Variants in TTC29 observed in about 807,000 individuals in gnomAD.
TTC29 encodes the protein tetratricopeptide repeat protein 29.
Under a neutral mutation model 58.1 loss-of-function variants are expected in TTC29, and 49 were observed. The ratio of observed to expected loss-of-function variants is 0.84; its 90% CI spans 0.67 to 1.07. The LOEUF is 1.07. Ranked by LOEUF, TTC29 falls within the 50% of genes least tolerant of loss-of-function variation. The pLI, the probability that TTC29 is intolerant of heterozygous loss-of-function variation, is 0.00. For synonymous variants in TTC29, 209 were observed against 196.8 expected, an observed-to-expected ratio of 1.06 and a Z score of -0.52; for missense variants, 582 against 555.6, an observed-to-expected ratio of 1.05 and a Z score of -0.48.
intron 3 of TTC29, among the ~76,000 whole-genome samples, chr4:146,938,916 T>C (rs1736099775): frequency 6.6e-6 from 1 of 152,222 alleles, no homozygotes; most frequent in Non-Finnish European, 1.5e-5. Context: ...AATTTCAAAA[T>C]AGCACAATCA....
chr4:146,833,762 G>A (rs1579787060), intron 9 of TTC29, 44 bp downstream of exon 9: 1 of 1,468,796 alleles, frequency 6.8e-7, no homozygotes, highest in Non-Finnish European at 9.5e-7. Context: ...TTTCACAGTT[G>A]AGTGAATTCA....
chr4:146,743,338 G>A (rs553932921), intron 11 of TTC29, among the ~76,000 whole-genome samples: 1 of 152,136 alleles, frequency 6.6e-6, no homozygotes, highest in Non-Finnish European at 1.5e-5. Context: ...TAAGTGCCTG[G>A]TTGTGCTCTA....
chr4:146,925,354 T>C (rs1412694194), intron 4 of TTC29, among the ~76,000 whole-genome samples: 1 of 152,106 alleles, frequency 6.6e-6, no homozygotes, highest in Non-Finnish European at 1.5e-5. Context: ...TCAGTTTTGG[T>C]TTAATGTTTT....
chr4:146,774,213 A>G lies in TTC29; in HGVS notation c.1330+29244T>C, dbSNP rs544876158. ...TCATTGATCTTTTGCATGGTTTTTC[A>G]TGTCTTAATTCCCCTCAGTTCAGCT... On this transcript the variant is annotated intron_variant, in intron 11 of 12. Coordinates refer to ENST00000325106, the MANE Select transcript of TTC29 (RefSeq NM_031956.4). Among the ~76,000 whole-genome samples the G allele has an allele frequency of 1.8e-4, 27 of 152,118 alleles. 1 individual carries two copies. In the South Asian group the frequency reaches 4.1e-3, roughly 23 times the overall value.
At chr4:146,883,939 T>A (rs1273142616) in intron 6 of TTC29, among the ~76,000 whole-genome samples, 1 of 152,144 alleles carries the variant, frequency 6.6e-6, no homozygotes, top group Admixed American at 6.6e-5. Flanking sequence ...TTTGCAGTCT[T>A]GTTTAAAGAT....
chr4:146,769,223 A>C (rs1747540772), intron 11 of TTC29, among the ~76,000 whole-genome samples: 1 of 151,994 alleles, frequency 6.6e-6, no homozygotes, highest in Non-Finnish European at 1.5e-5. Context: ...TTGAACACAT[A>C]AGACATTAAA....
intron 11 of TTC29, among the ~76,000 whole-genome samples, chr4:146,737,240 T>C (rs1214271498): frequency 6.6e-6 from 1 of 152,084 alleles, no homozygotes; most frequent in East Asian, 1.9e-4. Context: ...ATGTGGTGCA[T>C]GGCCCTATGG....
chr4:146,766,925 A>T (rs1302806288), intron 11 of TTC29, among the ~76,000 whole-genome samples: 2 of 151,886 alleles, frequency 1.3e-5, no homozygotes, highest in South Asian at 2.1e-4. Flanking sequence ...TGTTTAAGAT[A>T]AAAAAAAGAT....
intron 6 of TTC29, 29 bp downstream of exon 6, chr4:146,903,515 C>A (rs372975778): frequency 2.5e-6 from 4 of 1,575,282 alleles, no homozygotes; most frequent in Non-Finnish European, 3.4e-6. Flanking sequence ...CAAAACATAC[C>A]CAAGGCATCC....
chr4:146,728,809 ATATATGTG>A (rs1214620963), intron 11 of TTC29, among the ~76,000 whole-genome samples: 3 of 125,504 alleles, frequency 2.4e-5, no homozygotes, highest in African/African-American at 9.0e-5. Flanking sequence ...ATATACACAT[ATATATGTG>A]TATATATACA....
At chr4:146,855,568 AAG>A (rs1196385242) in intron 8 of TTC29, among the ~76,000 whole-genome samples, 1 of 152,184 alleles carries the variant, frequency 6.6e-6, no homozygotes, top group Non-Finnish European at 1.5e-5. Flanking sequence ...TACTGGGTAA[AAG>A]AGTTTTTTAC....
chr4:146,743,008 T>C (rs1745275366), intron 11 of TTC29, among the ~76,000 whole-genome samples: 1 of 152,088 alleles, frequency 6.6e-6, no homozygotes, highest in Non-Finnish European at 1.5e-5. Context: ...ATCAGCTAAC[T>C]TGTTGCCTGA....
At chr4:146,880,839 C>T (rs1411511347) in intron 6 of TTC29, among the ~76,000 whole-genome samples, 1 of 151,942 alleles carries the variant, frequency 6.6e-6, no homozygotes, top group Non-Finnish European at 1.5e-5. Context: ...TATAACATTC[C>T]TGTATTACTG....
At chr4:146,880,688 A>G (rs1201379274) in intron 6 of TTC29, among the ~76,000 whole-genome samples, 4 of 152,102 alleles carry the variant, frequency 2.6e-5, no homozygotes, top group African/African-American at 9.7e-5. Context: ...AAGTAGGAAG[A>G]TTGACTAGAT....
chr4:146,885,157 C>T (rs1460507444), intron 6 of TTC29, among the ~76,000 whole-genome samples: 3 of 151,968 alleles, frequency 2.0e-5, no homozygotes, highest in Admixed American at 2.0e-4. Flanking sequence ...TCTTGAGAAC[C>T]TCCTCAGTCC....
chr4:146,753,694 C>T (rs1176588331), intron 11 of TTC29, among the ~76,000 whole-genome samples: 1 of 152,088 alleles, frequency 6.6e-6, no homozygotes, highest in African/African-American at 2.4e-5. Flanking sequence ...GAAAATGTGG[C>T]ACATATACAC....
chr4:146,904,553 G>C (rs970301460), intron 5 of TTC29, among the ~76,000 whole-genome samples: 1 of 152,108 alleles, frequency 6.6e-6, no homozygotes, highest in African/African-American at 2.4e-5. Flanking sequence ...TTAATAAGTT[G>C]TGCCTCAGTC....
intron 11 of TTC29, among the ~76,000 whole-genome samples, chr4:146,718,091 C>T (rs1743071817): frequency 6.6e-6 from 1 of 151,942 alleles, no homozygotes; most frequent in African/African-American, 2.4e-5. Context: ...CTGAATAATA[C>T]TTCATTATAT....
intron 11 of TTC29, among the ~76,000 whole-genome samples, chr4:146,800,718 A>G (rs997488869): frequency 3.9e-5 from 6 of 152,116 alleles, no homozygotes; most frequent in African/African-American, 1.4e-4. Flanking sequence ...GGGCATACAT[A>G]CTCATTTTGA....
Sources: allele counts gnomAD v4.1 joint callset (sites outside exome capture counted in the v4.1 genomes callset), GRCh38; gene constraint gnomAD v4.1.1; transcripts MANE v1.5; gene names NCBI Gene and HGNC (gene_info 2026-07-23, HGNC 2026-07-21).